OPCML: variants seen among roughly 807,000 people sequenced by gnomAD.
OPCML encodes opioid-binding protein/cell adhesion molecule.
Under a neutral mutation model 37.8 loss-of-function variants are expected in OPCML, and 13 were observed. That is an observed-to-expected ratio of 0.34 (90% CI 0.22 to 0.55). The LOEUF is 0.55. Among genes scored for constraint, OPCML ranks in the 20% least tolerant of loss-of-function variants. The probability of loss-of-function intolerance (pLI) is 0.91; values close to 1 mark genes in which losing one functional copy is unlikely to be tolerated. For synonymous variants in OPCML, 176 were observed against 168.8 expected (o/e 1.04, Z -0.33); for missense variants, 341 against 435.6 (o/e 0.78, Z 1.93).
At chr11:133,327,712 G>T (rs760430463) in intron 1 of OPCML, among the ~76,000 whole-genome samples, 12 of 152,168 alleles carry the variant, frequency 7.9e-5, no homozygotes, top group Non-Finnish European at 1.3e-4. Flanking sequence ...CAGCACTGAA[G>T]CCTCCACTTC....
At chr11:132,632,446 C>G (rs1940211434) in intron 3 of OPCML, among the ~76,000 whole-genome samples, 1 of 152,056 alleles carries the variant, frequency 6.6e-6, no homozygotes, top group Admixed American at 6.6e-5. Flanking sequence ...AATGAGAACA[C>G]TGATATTCAG....
chr11:132,938,850 C>A (rs1945480340), intron 2 of OPCML, among the ~76,000 whole-genome samples: 1 of 152,188 alleles, frequency 6.6e-6, no homozygotes, highest in African/African-American at 2.4e-5. Flanking sequence ...GAGCAGTGTT[C>A]TCAATCCTGG....
At chr11:133,122,074 A>G (rs1949431442) in intron 1 of OPCML, among the ~76,000 whole-genome samples, 2 of 152,238 alleles carry the variant, frequency 1.3e-5, no homozygotes, top group Non-Finnish European at 2.9e-5. Flanking sequence ...ATATATCCAT[A>G]TAACATTTGA....
intron 1 of OPCML, among the ~76,000 whole-genome samples, chr11:133,029,463 T>C (rs1947625435): frequency 6.6e-6 from 1 of 152,158 alleles, no homozygotes; most frequent in Admixed American, 6.5e-5. Flanking sequence ...TGACATGGAA[T>C]CAACCTCGGT....
chr11:132,834,078 G>A (rs767706712), intron 2 of OPCML, among the ~76,000 whole-genome samples: 4 of 152,282 alleles, frequency 2.6e-5, no homozygotes, highest in Non-Finnish European at 4.4e-5. Flanking sequence ...TTTCTTGGTC[G>A]TTAAATTTTG....
At position 132,536,044 on chromosome 11, in the gene OPCML, G is replaced by T. The variant is rs187138014; in HGVS notation, c.380-6858C>A. Reference sequence around the variant, plus strand: ...GTCCTCAAGGTGAATTTGGCATGCAGCCAAGATTAGGAGTCATTGCTACAC... The same window carrying T: ...GTCCTCAAGGTGAATTTGGCATGCATCCAAGATTAGGAGTCATTGCTACAC... On this transcript the variant is annotated intron_variant, in intron 3 of 7. Transcript: ENST00000524381. Among the ~76,000 whole-genome samples the T allele has an allele frequency of 9.9e-4, 151 of 152,250 alleles. 1 individual carries two copies. The highest frequency in any genetic ancestry group is 1.8e-3 in the Non-Finnish European group (125 of 68,016).
intron 1 of OPCML, among the ~76,000 whole-genome samples, chr11:133,235,153 A>C (rs1176469494): frequency 1.3e-5 from 2 of 151,994 alleles, no homozygotes; most frequent in African/African-American, 2.4e-5. Flanking sequence ...TTCCCCACCC[A>C]ACCACACTAT....
intron 1 of OPCML, among the ~76,000 whole-genome samples, chr11:132,987,661 A>G (rs1565383585): frequency 6.6e-6 from 1 of 152,134 alleles, no homozygotes. Flanking sequence ...GGATGGTGCT[A>G]GAGCCAAAGC....
intron 2 of OPCML, among the ~76,000 whole-genome samples, chr11:132,792,343 T>C (rs914433759): frequency 2.0e-5 from 3 of 152,186 alleles, no homozygotes; most frequent in East Asian, 1.9e-4. Context: ...AAAATACACT[T>C]TGATCTATTT....
At chr11:132,904,289 G>A (rs1374035366) in intron 2 of OPCML, among the ~76,000 whole-genome samples, 1 of 152,186 alleles carries the variant, frequency 6.6e-6, no homozygotes, top group East Asian at 1.9e-4. Flanking sequence ...AGCAACAGAT[G>A]CCAGGAGCTG....
At chr11:132,711,968 C>T (rs532902603) in intron 2 of OPCML, among the ~76,000 whole-genome samples, 36 of 152,272 alleles carry the variant, frequency 2.4e-4, no homozygotes, top group Non-Finnish European at 3.5e-4. Flanking sequence ...CATTTTCATA[C>T]GATTCCCCTG....
chr11:132,482,750 C>G (rs1018918052), intron 4 of OPCML, among the ~76,000 whole-genome samples: 8 of 152,018 alleles, frequency 5.3e-5, no homozygotes, highest in African/African-American at 1.9e-4. Context: ...CCCTGGGATG[C>G]AAGGCTGGTT....
intron 1 of OPCML, among the ~76,000 whole-genome samples, chr11:133,072,248 A>G (rs7925745): frequency 0.55 from 83,700 of 152,020 alleles, 25,020 homozygotes; most frequent in African/African-American, 0.77. Flanking sequence ...TGCATGTTTC[A>G]AAATGATGAA....
At chr11:132,577,821 A>C (rs1240661987) in intron 3 of OPCML, among the ~76,000 whole-genome samples, 1 of 152,116 alleles carries the variant, frequency 6.6e-6, no homozygotes, top group Non-Finnish European at 1.5e-5. Flanking sequence ...GTTCCTTTCA[A>C]TTCTTTTTTC....
intron 1 of OPCML, among the ~76,000 whole-genome samples, chr11:133,159,582 A>C (rs1319829812): frequency 6.6e-6 from 1 of 152,222 alleles, no homozygotes; most frequent in Admixed American, 6.5e-5. Context: ...CAATGACTAA[A>C]GCAAGTCATG....
intron 1 of OPCML, chr11:133,302,745 C>T (rs897723990): frequency 2.6e-5 from 4 of 152,110 alleles, no homozygotes; most frequent in African/African-American, 9.7e-5. Context: ...CTCATTCCTC[C>T]CTATTCCTCG....
intron 1 of OPCML, among the ~76,000 whole-genome samples, chr11:133,078,878 A>C (rs145551567): frequency 6.6e-6 from 1 of 152,152 alleles, no homozygotes; most frequent in African/African-American, 2.4e-5. Flanking sequence ...ATGCTATGCT[A>C]TTCTTTTACT....
At chr11:132,683,244 T>TA (rs1487070530) in intron 2 of OPCML, among the ~76,000 whole-genome samples, 2 of 152,006 alleles carry the variant, frequency 1.3e-5, no homozygotes, top group South Asian at 2.1e-4. Flanking sequence ...ACATAAAAAT[T>TA]AAAAAATTAA....
chr11:133,383,861 T>C (rs1427473277), intron 1 of OPCML, among the ~76,000 whole-genome samples: 1 of 152,140 alleles, frequency 6.6e-6, no homozygotes, highest in East Asian at 1.9e-4. Context: ...AGACAGGATG[T>C]CTACACCTGC....
Sources: gnomAD v4.1 joint callset for allele counts (sites outside exome capture counted in the v4.1 genomes callset) on GRCh38, gnomAD v4.1.1 for gene constraint, MANE v1.5 for transcripts, NCBI Gene and HGNC (gene_info 2026-07-23, HGNC 2026-07-21) for gene names.